Variants in SLC18B1 observed in about 807,000 individuals in gnomAD.
The protein encoded by SLC18B1 is solute carrier family 18 member B1, also known as MFS-type transporter SLC18B1.
In SLC18B1, 62 loss-of-function variants were observed where a neutral mutation model predicts 53.9. That is an observed-to-expected ratio of 1.15 (90% CI 0.94 to 1.42). The LOEUF (loss-of-function observed/expected upper bound fraction) is 1.42, where lower values mean the gene tolerates loss of function less well. Ranked by LOEUF, SLC18B1 falls within the 40% of genes most tolerant of loss-of-function variation. SLC18B1 has a pLI of 0.00. For synonymous variants in SLC18B1, 217 were observed against 200.9 expected (o/e 1.08, Z -0.68); for missense variants, 598 against 547.3 (o/e 1.09, Z -0.93).
chr6:132,788,151 AC>A (rs1005068683), intron 4 of SLC18B1, among the ~76,000 whole-genome samples: 1 of 150,006 alleles, frequency 6.7e-6, no homozygotes, highest in African/African-American at 2.5e-5. Context: ...ACAGAGTGAG[AC>A]TCTGTCTCAA....
intron 5 of SLC18B1, among the ~76,000 whole-genome samples, chr6:132,786,415 G>A (rs1430726101): frequency 1.3e-5 from 2 of 152,004 alleles, no homozygotes; most frequent in East Asian, 1.9e-4. Flanking sequence ...CGGGTGTGGT[G>A]GCGGGCGCCT....
In SLC18B1 at chr6:132,784,001, G is replaced by A; in HGVS notation, c.590C>T (p.Pro197Leu). 1 of 1,611,088 alleles carries A rather than the reference G, an allele frequency of 6.2e-7. No homozygotes were observed. The highest frequency in any genetic ancestry group is 1.1e-5 in the South Asian group (1 of 90,706). ...FLYQSFGYEV[P>L]FIVLGCVVLL... The stretch of plus-strand genomic sequence containing the variant: ...AACGACGCATCCCAGAACAATAAAA[G>A]GCACTTCATAGCCAAAGGATTGATA... The change falls in exon 6 of 14, where the codon CCT becomes CTT. Residue 197 changes from proline to leucine, a missense_variant. Coordinates refer to ENST00000275227, the MANE Select transcript of SLC18B1 (RefSeq NM_052831.3).
At chr6:132,774,159 A>T in intron 9 of SLC18B1, 63 bp downstream of exon 9, 1 of 1,314,754 alleles carries the variant, frequency 7.6e-7, no homozygotes, top group East Asian at 2.4e-5. Context: ...ATGTTAAAAC[A>T]AAATTTTTCG....
chr6:132,771,324 C>A (rs1422978607), intron 11 of SLC18B1, among the ~76,000 whole-genome samples, 195 bp from the exon 12 acceptor site: 1 of 152,054 alleles, frequency 6.6e-6, no homozygotes, highest in East Asian at 1.9e-4. Context: ...AATTTTTTAA[C>A]AATTTTGAAA....
At chr6:132,797,305 A>C (rs149971288) in intron 1 of SLC18B1, among the ~76,000 whole-genome samples, 184 bp from the exon 2 acceptor site, 3 of 152,194 alleles carry the variant, frequency 2.0e-5, no homozygotes, top group Non-Finnish European at 2.9e-5. Context: ...CGTTTTGAAA[A>C]CGTACTGCTT....
At chr6:132,779,178 G>T in intron 7 of SLC18B1, 90 bp downstream of exon 7, 1 of 1,475,260 alleles carries the variant, frequency 6.8e-7, no homozygotes, top group South Asian at 1.3e-5. Context: ...TCCCAGCCAC[G>T]CAAGGGTCTT....
chr6:132,770,489 AT>A (rs1187011379), intron 13 of SLC18B1, among the ~76,000 whole-genome samples, 153 bp from the exon 14 acceptor site: 4 of 152,224 alleles, frequency 2.6e-5, no homozygotes, highest in Non-Finnish European at 5.9e-5. Context: ...TAATCCCAGC[AT>A]TTTGGGAGGC....
chr6:132,770,182 C>T lies in SLC18B1; in HGVS notation c.*88G>A, dbSNP rs542147227. ...GGCACGGGGTCCACGGAGTTTTGCG[C>T]GTAAAATTTTAAAAACCCTTCCTAC... On this transcript the variant is annotated 3_prime_UTR_variant, in exon 14 of 14. Transcript: ENST00000275227. The T allele has an allele frequency of 3.9e-5, 43 of 1,102,740 alleles. No individual in the cohort carries two copies. Among genetic ancestry groups the T allele is most frequent in the Middle Eastern group, 2.0e-4 (1 of 4,968 alleles). 68.3% of individuals were successfully genotyped at this position (1,102,740 alleles called of 1,614,324 possible). A position where few individuals can be genotyped will look rare whatever the true frequency, so the allele number is the denominator to read the frequency against.
chr6:132,777,819 GA>G, intron 7 of SLC18B1, among the ~76,000 whole-genome samples: 1 of 152,324 alleles, frequency 6.6e-6, no homozygotes, highest in Admixed American at 6.5e-5. Context: ...TAAAAGCACA[GA>G]AAAACAGCTC....
At chr6:132,792,315 G>A (rs1478297672) in intron 2 of SLC18B1, among the ~76,000 whole-genome samples, 10 of 101,424 alleles carry the variant, frequency 9.9e-5, no homozygotes, top group African/African-American at 5.2e-4. Flanking sequence ...AAGGAAGGAA[G>A]GAAGGAAGGA....
intron 5 of SLC18B1, among the ~76,000 whole-genome samples, chr6:132,786,427 T>C (rs1355835670): frequency 6.6e-6 from 1 of 151,854 alleles, no homozygotes; most frequent in Non-Finnish European, 1.5e-5. Flanking sequence ...CGGGCGCCTG[T>C]AGTCCCAGCT....
chr6:132,773,842 G>A (rs1781037510), intron 9 of SLC18B1, among the ~76,000 whole-genome samples: 1 of 150,652 alleles, frequency 6.6e-6, no homozygotes, highest in Non-Finnish European at 1.5e-5. Context: ...AAGAAAAATA[G>A]ATTTGGTCCC....
At chr6:132,773,292 G>T (rs1582853566) in intron 9 of SLC18B1, among the ~76,000 whole-genome samples, 1 of 110,348 alleles carries the variant, frequency 9.1e-6, no homozygotes, top group Non-Finnish European at 1.8e-5. Flanking sequence ...GCGGGGGGGT[G>T]GGGGGGAATT....
intron 4 of SLC18B1, among the ~76,000 whole-genome samples, chr6:132,788,925 C>CAA (rs11439950): frequency 0.026 from 2,747 of 104,818 alleles, 103 homozygotes; most frequent in African/African-American, 0.077. Flanking sequence ...CTGAAACCTT[C>CAA]AAAAAAAAAA....
In SLC18B1 at chr6:132,772,223, G is replaced by C. The variant is rs377568137; in HGVS notation, c.1086-17C>G. On this transcript the variant is annotated splice_polypyrimidine_tract_variant and intron_variant, in intron 10 of 13. Transcript: ENST00000275227. ...CCATTTTCACTGCAAAAAGAGACATGAGTGTATCCATTATTAAAAGGAAAA... is the reference window on the plus strand; with the variant it reads ...CCATTTTCACTGCAAAAAGAGACATCAGTGTATCCATTATTAAAAGGAAAA... 6.7e-7 allele frequency: 1 copy of C among 1,501,928 alleles called. No homozygotes were observed. The highest frequency in any genetic ancestry group is 1.3e-5 in the South Asian group (1 of 75,726). 93.0% of individuals were successfully genotyped at this position (1,501,928 alleles called of 1,614,324 possible).
intron 2 of SLC18B1, among the ~76,000 whole-genome samples, chr6:132,792,015 G>A (rs1352861154): frequency 4.0e-5 from 6 of 151,660 alleles, no homozygotes; most frequent in African/African-American, 1.5e-4. Context: ...ATCACTTGAG[G>A]TCAGGAGTTT....
chr6:132,787,023 G>A (rs1781395650), intron 5 of SLC18B1, among the ~76,000 whole-genome samples: 1 of 152,178 alleles, frequency 6.6e-6, no homozygotes, highest in Non-Finnish European at 1.5e-5. Flanking sequence ...TGGGGAAAGT[G>A]GAAGAAGGCC....
Position 132,770,183 on chromosome 6 carries a change from G to T in SLC18B1, c.*87C>A. 8.7e-7 allele frequency: 1 copy of T among 1,148,220 alleles called. No homozygotes were observed. Among genetic ancestry groups the T allele is most frequent in the Non-Finnish European group, 1.3e-6 (1 of 773,456 alleles). 71.1% of individuals were successfully genotyped at this position (1,148,220 alleles called of 1,614,324 possible). On this transcript the variant is annotated 3_prime_UTR_variant, in exon 14 of 14. Transcript: ENST00000275227. ...GCACGGGGTCCACGGAGTTTTGCGCGTAAAATTTTAAAAACCCTTCCTACG... is the reference window on the plus strand; with the variant it reads ...GCACGGGGTCCACGGAGTTTTGCGCTTAAAATTTTAAAAACCCTTCCTACG...
At chr6:132,777,183 G>A (rs1028449573) in intron 7 of SLC18B1, among the ~76,000 whole-genome samples, 1 of 152,074 alleles carries the variant, frequency 6.6e-6, no homozygotes, top group African/African-American at 2.4e-5. Context: ...AGAGGCTACG[G>A]TGAGCCAAGA....
Sources: gnomAD v4.1 joint callset for allele counts (sites outside exome capture counted in the v4.1 genomes callset) on GRCh38, gnomAD v4.1.1 for gene constraint, MANE v1.5 for transcripts, NCBI Gene and HGNC (gene_info 2026-07-23, HGNC 2026-07-21) for gene names.